Variants in AGBL4 observed in about 807,000 individuals in gnomAD.
AGBL4 encodes the protein AGBL carboxypeptidase 4.
Under a neutral mutation model 66.4 loss-of-function variants are expected in AGBL4, and 58 were observed. The ratio of observed to expected loss-of-function variants is 0.87; its 90% CI spans 0.71 to 1.09. AGBL4 has a LOEUF of 1.09. AGBL4 is among the 50% of genes least tolerant of loss of function. The probability of loss-of-function intolerance (pLI) is 0.00; values close to 1 mark genes in which losing one functional copy is unlikely to be tolerated. For synonymous variants in AGBL4, 234 were observed against 222.9 expected (o/e 1.05, Z -0.44); for missense variants, 579 against 631.0 (o/e 0.92, Z 0.88).
At chr1:49,256,403 AATT>A (rs1652506199) in intron 3 of AGBL4, among the ~76,000 whole-genome samples, 1 of 152,206 alleles carries the variant, frequency 6.6e-6, no homozygotes. Context: ...AACAGTAAAC[AATT>A]AGAAAATAAA....
chr1:49,323,755 C>T (rs1217492024), intron 3 of AGBL4, among the ~76,000 whole-genome samples: 5 of 148,780 alleles, frequency 3.4e-5, no homozygotes, highest in Non-Finnish European at 7.4e-5. Flanking sequence ...GGTGGCAGAG[C>T]GAGGCCCCGT....
At chr1:48,869,251 T>C (rs921180549) in intron 5 of AGBL4, among the ~76,000 whole-genome samples, 29 of 152,252 alleles carry the variant, frequency 1.9e-4, no homozygotes, top group African/African-American at 5.5e-4. Flanking sequence ...TAAGAACATA[T>C]CCTAGCACTG....
intron 3 of AGBL4, among the ~76,000 whole-genome samples, chr1:49,693,773 C>A (rs934469410): frequency 1.3e-5 from 2 of 152,072 alleles, no homozygotes; most frequent in Non-Finnish European, 2.9e-5. Flanking sequence ...ATTTTATTTT[C>A]TCTTATTGGC....
At chr1:48,649,575 T>C (rs1645894068) in intron 8 of AGBL4, among the ~76,000 whole-genome samples, 2 of 152,268 alleles carry the variant, frequency 1.3e-5, no homozygotes, top group African/African-American at 4.8e-5. Flanking sequence ...AAAATGTTGC[T>C]GTTCTTTAAC....
intron 3 of AGBL4, among the ~76,000 whole-genome samples, chr1:49,440,430 T>A (rs954383759): frequency 3.3e-5 from 5 of 151,782 alleles, no homozygotes; most frequent in African/African-American, 4.8e-5. Flanking sequence ...GTATAGAGAG[T>A]TATGTAAAAT....
intron 6 of AGBL4, among the ~76,000 whole-genome samples, chr1:48,755,259 C>A (rs1046826943): frequency 6.6e-6 from 1 of 152,152 alleles, no homozygotes; most frequent in African/African-American, 2.4e-5. Context: ...AAAGACCAGG[C>A]GGCTGCTCTC....
At chr1:48,729,922 G>C (rs1194442011) in intron 6 of AGBL4, among the ~76,000 whole-genome samples, 1 of 152,172 alleles carries the variant, frequency 6.6e-6, no homozygotes, top group Non-Finnish European at 1.5e-5. Flanking sequence ...AGGAGGCCCT[G>C]TCTCTCCAGT....
intron 3 of AGBL4, among the ~76,000 whole-genome samples, chr1:49,629,150 C>G (rs1203755825): frequency 6.6e-6 from 1 of 152,154 alleles, no homozygotes; most frequent in Non-Finnish European, 1.5e-5. Flanking sequence ...GGAACACAGC[C>G]ATTTCCATTC....
rs183430564 is a variant in AGBL4, at chr1:49,872,538, C to T, written c.35-21020G>A. On this transcript the variant is annotated intron_variant, in intron 1 of 13. Coordinates refer to ENST00000371839, the MANE Select transcript of AGBL4 (RefSeq NM_032785.4). ...TGTCACTTTCTGACAGGTCCAGGAA[C>T]TGCAAGTTTTCTTGGGACCTCAAAA... is the stretch of plus-strand genomic sequence containing the variant. Among the ~76,000 whole-genome samples, 203 of 152,226 alleles carry T rather than the reference C, an allele frequency of 1.3e-3. 1 individual carries two copies. Among genetic ancestry groups the T allele is most frequent in the Non-Finnish European group, 2.1e-3 (145 of 67,992 alleles).
At chr1:49,906,870 C>G (rs1035375118) in intron 1 of AGBL4, among the ~76,000 whole-genome samples, 1 of 152,182 alleles carries the variant, frequency 6.6e-6, no homozygotes, top group Non-Finnish European at 1.5e-5. Context: ...CTATTTCACT[C>G]TGTATGAAAT....
chr1:49,920,874 A>T (rs2148238982), intron 1 of AGBL4, among the ~76,000 whole-genome samples: 1 of 152,354 alleles, frequency 6.6e-6, no homozygotes, highest in Admixed American at 6.5e-5. Context: ...GATTAAGAAA[A>T]TGTGGCACAC....
chr1:48,571,898 C>G (rs989906349), intron 11 of AGBL4, among the ~76,000 whole-genome samples: 1 of 152,130 alleles, frequency 6.6e-6, no homozygotes, highest in East Asian at 1.9e-4. Context: ...AGCCCCTCAT[C>G]AGACACTCAA....
intron 2 of AGBL4, among the ~76,000 whole-genome samples, chr1:49,725,274 G>C (rs1648928450): frequency 1.3e-5 from 2 of 152,152 alleles, no homozygotes; most frequent in African/African-American, 4.8e-5. Context: ...AGCACTGTAA[G>C]CTTAGCAAGT....
chr1:49,851,390 A>G lies in AGBL4; in HGVS notation c.157+6T>C, dbSNP rs1557512774. ...ACTTAAAAGGAAAAGCCTTTAATATACTTACCACTTTCAAAGCAAGCATCA... is the reference window on the plus strand; with the variant it reads ...ACTTAAAAGGAAAAGCCTTTAATATGCTTACCACTTTCAAAGCAAGCATCA... On this transcript the variant is annotated splice_donor_region_variant and intron_variant, in intron 2 of 13. Transcript: ENST00000371839. The G allele has an allele frequency of 6.5e-7, 1 of 1,546,650 alleles. No homozygotes were observed. The highest frequency in any genetic ancestry group is 2.5e-5 in the East Asian group (1 of 40,742).
At chr1:48,944,689 C>G (rs750584330) in intron 5 of AGBL4, among the ~76,000 whole-genome samples, 19 of 152,146 alleles carry the variant, frequency 1.2e-4, no homozygotes, top group Non-Finnish European at 2.5e-4. Context: ...CCCCCGCAAC[C>G]CTTCTCCTAC....
intron 1 of AGBL4, among the ~76,000 whole-genome samples, chr1:49,946,349 C>T (rs991392490): frequency 2.0e-5 from 3 of 151,878 alleles, no homozygotes; most frequent in African/African-American, 7.2e-5. Context: ...TTTGAAATTA[C>T]ATCAAGCAAT....
intron 1 of AGBL4, among the ~76,000 whole-genome samples, chr1:49,871,149 A>G (rs1324553774): frequency 6.6e-6 from 1 of 152,152 alleles, no homozygotes; most frequent in East Asian, 1.9e-4. Flanking sequence ...ATACTAAGCA[A>G]TACCAGCATC....
rs77966619 is a variant in AGBL4 at position 48,743,989 on chromosome 1, T to C, written c.635-80748A>G. On this transcript the variant is annotated intron_variant, in intron 6 of 13. Transcript: ENST00000371839. Reference sequence around the variant, plus strand: ...AACTTGCACAAAGCTGAATGCAAGATGGTTGGGGAGCAGAACAGTGCAAAT... The same window carrying C: ...AACTTGCACAAAGCTGAATGCAAGACGGTTGGGGAGCAGAACAGTGCAAAT... 3.4e-3 allele frequency among the ~76,000 whole-genome samples: 513 copies of C among 152,314 alleles called. 3 individuals are homozygous for C. Among genetic ancestry groups the C allele is most frequent in the Middle Eastern group, 0.017 (5 of 294 alleles).
chr1:49,710,111 A>C (rs938223717), intron 2 of AGBL4, among the ~76,000 whole-genome samples: 25 of 152,224 alleles, frequency 1.6e-4, no homozygotes, highest in Non-Finnish European at 3.7e-4. Context: ...AAGGATTATA[A>C]ATAATTCTAC....
Sources: gnomAD v4.1 joint callset for allele counts (sites outside exome capture counted in the v4.1 genomes callset) on GRCh38, gnomAD v4.1.1 for gene constraint, MANE v1.5 for transcripts, NCBI Gene and HGNC (gene_info 2026-07-23, HGNC 2026-07-21) for gene names.